INSL6: variants seen among roughly 807,000 people sequenced by gnomAD.
INSL6 encodes the protein insulin like 6, also known as insulin-like peptide INSL6.
Under a neutral mutation model 9.4 loss-of-function variants are expected in INSL6, and 16 were observed. The ratio of observed to expected loss-of-function variants is 1.70; its 90% CI spans 1.15 to 2.59. INSL6 has a LOEUF of 2.59. Among genes scored for constraint, INSL6 ranks in the 30% most tolerant of loss-of-function variants. INSL6 has a pLI of 0.00. For missense variants in INSL6, 391 were observed against 257.3 expected, an observed-to-expected ratio of 1.52 and a Z score of -3.56; for synonymous variants, 154 against 96.9, an observed-to-expected ratio of 1.59 and a Z score of -3.46.
chr9:5,003,876 C>A, the INSL6 span, among the ~76,000 whole-genome samples: 1 of 151,690 alleles, frequency 6.6e-6, no homozygotes, highest in Non-Finnish European at 1.5e-5. Context: ...GCTTTTATTC[C>A]TAGTTTGAGA....
the INSL6 span, among the ~76,000 whole-genome samples, chr9:5,015,091 A>G: frequency 6.6e-6 from 1 of 152,202 alleles, no homozygotes; most frequent in Admixed American, 6.5e-5. Flanking sequence ...AGATTTATCC[A>G]TGTTGCATAA....
intron 1 of INSL6, among the ~76,000 whole-genome samples, chr9:5,176,198 T>A (rs1825305301): frequency 6.6e-6 from 1 of 152,200 alleles, no homozygotes; most frequent in Non-Finnish European, 1.5e-5. Flanking sequence ...TTCCTCTGCA[T>A]AAATGCCCTT....
chr9:5,055,736 G>T, the INSL6 span: 6 of 1,609,982 alleles, frequency 3.7e-6, no homozygotes, highest in South Asian at 6.6e-5. Context: ...AACCAAGAGG[G>T]TTCAAATGAA....
intron 1 of INSL6, among the ~76,000 whole-genome samples, chr9:5,178,371 A>T (rs1380402274): frequency 6.6e-6 from 1 of 152,120 alleles, no homozygotes; most frequent in African/African-American, 2.4e-5. Flanking sequence ...TTGGCATGAG[A>T]AAGGGTTCCC....
the INSL6 span, chr9:5,085,640 C>G: frequency 1.4e-6 from 1 of 720,276 alleles, no homozygotes; most frequent in Non-Finnish European, 2.6e-6. Context: ...TTCTTTTCAC[C>G]CCAGATCTTG....
the INSL6 span, among the ~76,000 whole-genome samples, chr9:5,075,420 G>T: frequency 6.6e-6 from 1 of 152,180 alleles, no homozygotes. Flanking sequence ...CTTGCTAAGG[G>T]CCAATGCCAT....
At chr9:5,155,218 C>T (rs1457234776) in intron 2 of INSL6, among the ~76,000 whole-genome samples, 1 of 151,250 alleles carries the variant, frequency 6.6e-6, no homozygotes, top group Non-Finnish European at 1.5e-5. Flanking sequence ...AGCAAAGTAT[C>T]CCAAGGACAA....
At chr9:5,111,935 C>T in the INSL6 span, 1 of 347,768 alleles carries the variant, frequency 2.9e-6, no homozygotes, top group Admixed American at 3.6e-5. Flanking sequence ...CTCCGGATCA[C>T]TCAAGCAATA....
chr9:5,085,294 C>T, the INSL6 span: 1 of 719,092 alleles, frequency 1.4e-6, no homozygotes, highest in Non-Finnish European at 2.6e-6. Flanking sequence ...TATGTTAGAA[C>T]ATGAGGTGAA....
the INSL6 span, among the ~76,000 whole-genome samples, chr9:5,052,795 A>G: frequency 6.6e-6 from 1 of 152,200 alleles, no homozygotes; most frequent in East Asian, 1.9e-4. Context: ...GATGTTTCCA[A>G]GGTTCATTCA....
the INSL6 span, chr9:5,054,678 A>C: frequency 6.2e-7 from 1 of 1,613,470 alleles, no homozygotes; most frequent in Non-Finnish European, 8.5e-7. The surrounding 1 kb of genome is among the most constrained non-coding windows in gnomAD (Gnocchi z 4.9). Context: ...CAGCCAATGC[A>C]AAGCCACTGC....
At chr9:5,021,024 C>T in the INSL6 span, among the ~76,000 whole-genome samples, 10 of 152,084 alleles carry the variant, frequency 6.6e-5, no homozygotes, top group Middle Eastern at 3.2e-3. Flanking sequence ...CTCCCAGGGC[C>T]CATGAAAGTT....
chr9:5,127,099 G>C (rs1159644918), intron 3 of INSL6: 1 of 266,242 alleles, frequency 3.8e-6, no homozygotes, highest in Admixed American at 5.2e-5. Context: ...AGCTTTTTGA[G>C]ACCTGAAAAA....
chr9:5,123,339 C>T (rs1172288586), downstream of INSL6, among the ~76,000 whole-genome samples: 3 of 151,968 alleles, frequency 2.0e-5, no homozygotes, highest in Admixed American at 2.0e-4. Context: ...TCTCTATTGT[C>T]TATCATTCCA....
the INSL6 span, among the ~76,000 whole-genome samples, chr9:4,998,741 CAAAAA>C: frequency 1.2e-4 from 17 of 143,770 alleles, no homozygotes; most frequent in Non-Finnish European, 1.7e-4. Flanking sequence ...CCACAAAAAA[CAAAAA>C]AAAAAACAAC....
chr9:5,080,892 C>CTTTTTTTTTTTTTTTTTTT, the INSL6 span, among the ~76,000 whole-genome samples: 1 of 95,616 alleles, frequency 1.0e-5, no homozygotes. Flanking sequence ...AAGACCTTTT[C>CTTTTTTTTTTTTTTTTTTT]TTTTTTTTTT....
At chr9:5,044,598 A>G in the INSL6 span, 1 of 892,352 alleles carries the variant, frequency 1.1e-6, no homozygotes, top group Non-Finnish European at 1.7e-6. Flanking sequence ...TAATCAGGAA[A>G]AACTTTACAT....
chr9:5,054,595 C>G, the INSL6 span: 1 of 1,598,640 alleles, frequency 6.3e-7, no homozygotes, highest in South Asian at 1.1e-5. The surrounding 1 kb of genome is among the most constrained non-coding windows in gnomAD (Gnocchi z 4.9). Flanking sequence ...TGTATTCGAG[C>G]AAAGATCCAA....
the INSL6 span, among the ~76,000 whole-genome samples, chr9:5,005,509 A>C: frequency 1.3e-5 from 2 of 152,118 alleles, no homozygotes; most frequent in African/African-American, 4.8e-5. Flanking sequence ...TCCTGGGGGT[A>C]AATTCATTTG....
Sources: allele counts gnomAD v4.1 joint callset (sites outside exome capture counted in the v4.1 genomes callset), GRCh38; gene constraint gnomAD v4.1.1; non-coding constraint Gnocchi (gnomAD v3.1); transcripts MANE v1.5; gene names NCBI Gene and HGNC (gene_info 2026-07-23, HGNC 2026-07-21).